Variants in LINGO2 observed in about 807,000 individuals in gnomAD.
The protein encoded by LINGO2 is leucine rich repeat and Ig domain containing 2, also known as leucine-rich repeat and immunoglobulin-like domain-containing nogo receptor-interacting protein 2.
In LINGO2, 14 loss-of-function variants were observed where a neutral mutation model predicts 30.6. The observed-to-expected ratio is 0.46, with a 90% CI of 0.30 to 0.72. The LOEUF is 0.72. Ranked by LOEUF, LINGO2 falls within the 30% of genes least tolerant of loss-of-function variation. The probability of loss-of-function intolerance (pLI) is 0.07; values close to 1 mark genes in which losing one functional copy is unlikely to be tolerated. For missense variants in LINGO2, 729 were observed against 751.7 expected (o/e 0.97, Z 0.35); for synonymous variants, 317 against 288.5 (o/e 1.10, Z -1.00).
At chr9:28,491,700 A>C (rs558606667) in intron 1 of LINGO2, among the ~76,000 whole-genome samples, 1 of 152,314 alleles carries the variant, frequency 6.6e-6, no homozygotes, top group East Asian at 1.9e-4. Flanking sequence ...CAAGTGCAAT[A>C]TTTCATTTTT....
rs775415252 is a variant in LINGO2, at chr9:28,334,248, A to G, written c.-246+38588T>C. On this transcript the variant is annotated intron_variant, in intron 3 of 5. Transcript: ENST00000379992. ...TATAAGCAAATAAGATACATGAGGA[A>G]AAAAGGTACTATGAGTGACGAAACT... 5.9e-5 allele frequency among the ~76,000 whole-genome samples: 9 copies of G among 152,284 alleles called. No individual in the cohort carries two copies. In the East Asian group the frequency reaches 1.7e-3, roughly 29 times the overall value.
At chr9:29,131,996 A>C in the LINGO2 span, among the ~76,000 whole-genome samples, 1 of 151,722 alleles carries the variant, frequency 6.6e-6, no homozygotes, top group African/African-American at 2.4e-5. Flanking sequence ...ATCAAGCTCC[A>C]GATGATCATG....
chr9:27,955,015 G>A (rs1819498672), intron 5 of LINGO2, among the ~76,000 whole-genome samples: 1 of 152,072 alleles, frequency 6.6e-6, no homozygotes, highest in Non-Finnish European at 1.5e-5. Flanking sequence ...CGTTGAGCAT[G>A]CATTTTGTTT....
the LINGO2 span, among the ~76,000 whole-genome samples, chr9:28,943,987 T>C: frequency 3.9e-5 from 6 of 152,226 alleles, no homozygotes; most frequent in Non-Finnish European, 7.3e-5. Flanking sequence ...TATTCTGCCC[T>C]ATATAGTGGC....
chr9:28,642,014 T>G (rs796123596), intron 1 of LINGO2, among the ~76,000 whole-genome samples: 14 of 80,022 alleles, frequency 1.7e-4, no homozygotes, highest in East Asian at 6.6e-4. Context: ...TAATACTCTG[T>G]TTTTTTTTTT....
chr9:29,084,883 G>A, the LINGO2 span, among the ~76,000 whole-genome samples: 2 of 151,872 alleles, frequency 1.3e-5, no homozygotes, highest in East Asian at 3.9e-4. Flanking sequence ...TGCTCCATAG[G>A]AAGCACTCAA....
At chr9:28,306,436 G>A (rs771266780) in intron 3 of LINGO2, among the ~76,000 whole-genome samples, 14 of 152,150 alleles carry the variant, frequency 9.2e-5, no homozygotes, top group Non-Finnish European at 1.8e-4. Flanking sequence ...ACAGTGTGTA[G>A]AGGGAAATTT....
chr9:27,945,485 T>C (rs1437151235), downstream of LINGO2, among the ~76,000 whole-genome samples: 1 of 152,050 alleles, frequency 6.6e-6, no homozygotes, highest in African/African-American at 2.4e-5. Flanking sequence ...ACAAGCAAAA[T>C]TTCTGAGAAA....
intron 4 of LINGO2, among the ~76,000 whole-genome samples, chr9:28,139,573 T>C (rs535179857): frequency 1.4e-4 from 21 of 152,242 alleles, no homozygotes; most frequent in Middle Eastern, 6.8e-3. Flanking sequence ...TGGCTAACAA[T>C]AGAAATGCTT....
At chr9:28,688,168 A>C in the LINGO2 span, among the ~76,000 whole-genome samples, 1 of 152,182 alleles carries the variant, frequency 6.6e-6, no homozygotes, top group Non-Finnish European at 1.5e-5. Flanking sequence ...ACTGTAAGGC[A>C]GAAATACATT....
At chr9:28,519,256 A>C (rs1820740537) in intron 1 of LINGO2, among the ~76,000 whole-genome samples, 1 of 151,916 alleles carries the variant, frequency 6.6e-6, no homozygotes, top group Non-Finnish European at 1.5e-5. Flanking sequence ...GGTTGGTCTC[A>C]AACTCCTGGG....
At chr9:28,010,127 A>G (rs1024860191) in intron 5 of LINGO2, among the ~76,000 whole-genome samples, 3 of 152,238 alleles carry the variant, frequency 2.0e-5, no homozygotes, top group Non-Finnish European at 2.9e-5. Flanking sequence ...GTCATTCACA[A>G]AAGATCACGT....
At chr9:28,730,084 GA>G in the LINGO2 span, among the ~76,000 whole-genome samples, 1 of 151,872 alleles carries the variant, frequency 6.6e-6, no homozygotes, top group Non-Finnish European at 1.5e-5. Context: ...GTGAAGATAA[GA>G]AAAAAAGAGA....
the LINGO2 span, among the ~76,000 whole-genome samples, chr9:28,739,107 T>C: frequency 2.6e-5 from 4 of 151,998 alleles, no homozygotes; most frequent in African/African-American, 9.7e-5. Context: ...ATTAAGTGCT[T>C]CTGAAATTTA....
At chr9:29,144,065 T>C in the LINGO2 span, among the ~76,000 whole-genome samples, 25 of 152,212 alleles carry the variant, frequency 1.6e-4, no homozygotes, top group African/African-American at 6.0e-4. Context: ...ATTCGTTTAA[T>C]AGCAGATGGT....
intron 2 of LINGO2, among the ~76,000 whole-genome samples, chr9:28,463,760 G>GA (rs11284018): frequency 6.6e-6 from 1 of 151,672 alleles, no homozygotes; most frequent in Admixed American, 6.6e-5. Flanking sequence ...AAAATAAAAT[G>GA]AAAAAAAATG....
chr9:28,479,910 G>GGTAT (rs1825878413), intron 1 of LINGO2, among the ~76,000 whole-genome samples: 2 of 17,234 alleles, frequency 1.2e-4, no homozygotes, highest in African/African-American at 1.6e-4. Flanking sequence ...TATATACGTA[G>GGTAT]GTATATATAT....
intron 4 of LINGO2, among the ~76,000 whole-genome samples, chr9:28,172,721 T>C (rs1828637934): frequency 6.6e-6 from 1 of 152,176 alleles, no homozygotes; most frequent in Non-Finnish European, 1.5e-5. Context: ...TGTCCTTAAG[T>C]AAAATTTTCT....
the LINGO2 span, among the ~76,000 whole-genome samples, chr9:28,849,415 A>C: frequency 6.6e-6 from 1 of 151,948 alleles, no homozygotes; most frequent in Non-Finnish European, 1.5e-5. Flanking sequence ...CTAACTCCAC[A>C]TTATCACTGC....
Sources: gnomAD v4.1 joint callset for allele counts (sites outside exome capture counted in the v4.1 genomes callset) on GRCh38, gnomAD v4.1.1 for gene constraint, MANE v1.5 for transcripts, NCBI Gene and HGNC (gene_info 2026-07-23, HGNC 2026-07-21) for gene names.